The following PDE1C variants were observed in gnomAD, a reference collection of about 807,000 sequenced individuals.
PDE1C encodes phosphodiesterase 1C, also known as dual specificity calcium/calmodulin-dependent 3',5'-cyclic nucleotide phosphodiesterase 1C.
In PDE1C, 62 loss-of-function variants were observed where a neutral mutation model predicts 93.1. The ratio of observed to expected loss-of-function variants is 0.67; its 90% CI spans 0.54 to 0.82. PDE1C has a LOEUF of 0.82. Among genes scored for constraint, PDE1C ranks in the 40% least tolerant of loss-of-function variants. The probability of loss-of-function intolerance (pLI) is 0.00; values close to 1 mark genes in which losing one functional copy is unlikely to be tolerated. For synonymous variants in PDE1C, 325 were observed against 310.1 expected (o/e 1.05, Z -0.50); for missense variants, 742 against 884.6 (o/e 0.84, Z 2.04).
chr7:31,916,368 C>A (rs902381764), intron 2 of PDE1C, among the ~76,000 whole-genome samples: 1 of 152,098 alleles, frequency 6.6e-6, no homozygotes, highest in Non-Finnish European at 1.5e-5. Flanking sequence ...AAAAAGATAT[C>A]TGGAAATATC....
intron 1 of PDE1C, among the ~76,000 whole-genome samples, chr7:32,065,825 C>A (rs547534786): frequency 6.6e-6 from 1 of 152,198 alleles, no homozygotes; most frequent in Admixed American, 6.5e-5. Context: ...CTTCTCTGTA[C>A]ATCAATAGGG....
At chr7:32,062,015 T>C (rs1794868411) in intron 1 of PDE1C, among the ~76,000 whole-genome samples, 1 of 152,114 alleles carries the variant, frequency 6.6e-6, no homozygotes, top group African/African-American at 2.4e-5. Context: ...CTGTTTAATC[T>C]CCAGACTCAC....
chr7:31,899,193 C>T (rs891226567), intron 2 of PDE1C, among the ~76,000 whole-genome samples: 1 of 137,994 alleles, frequency 7.2e-6, no homozygotes, highest in East Asian at 2.2e-4. Context: ...GGCTGCAGTG[C>T]AGTGGCGCAC....
the PDE1C span, among the ~76,000 whole-genome samples, chr7:31,720,402 C>G: frequency 6.6e-6 from 1 of 152,126 alleles, no homozygotes; most frequent in Admixed American, 6.6e-5. Flanking sequence ...CTTCCACTGC[C>G]TACATCGTAA....
At position 31,827,045 on chromosome 7, in the gene PDE1C, C is replaced by A. The variant is rs144745072; in HGVS notation, c.1285+1247G>T. ...AAAACATAAATTTATATATTTTTAA[C>A]CTCACTTAAAATTCTTTAGATATGC... On this transcript the variant is annotated intron_variant, in intron 12 of 17. Coordinates refer to ENST00000396191, the MANE Select transcript of PDE1C (RefSeq NM_001191057.4). 1.2e-3 allele frequency among the ~76,000 whole-genome samples: 189 copies of A among 152,234 alleles called. 1 individual carries two copies. Among genetic ancestry groups the A allele is most frequent in the African/African-American group, 4.2e-3 (175 of 41,542 alleles).
chr7:32,239,182 G>A (rs1270620563), intron 1 of PDE1C, among the ~76,000 whole-genome samples: 3 of 152,298 alleles, frequency 2.0e-5, no homozygotes, highest in Middle Eastern at 6.8e-3. Flanking sequence ...AGTGAGTCAT[G>A]ATTGTGCCAC....
At chr7:32,408,714 A>C (rs537447349) in intron 1 of PDE1C, among the ~76,000 whole-genome samples, 1 of 152,120 alleles carries the variant, frequency 6.6e-6, no homozygotes, top group Non-Finnish European at 1.5e-5. Flanking sequence ...GCTTGAACCC[A>C]GGAGGCGAAG....
At chr7:32,003,976 G>C (rs1474450506) in intron 2 of PDE1C, among the ~76,000 whole-genome samples, 1 of 152,186 alleles carries the variant, frequency 6.6e-6, no homozygotes, top group African/African-American at 2.4e-5. Flanking sequence ...TGAATGATGA[G>C]AAAGGGGCAT....
the PDE1C span, among the ~76,000 whole-genome samples, chr7:31,723,931 C>G: frequency 6.8e-6 from 1 of 146,208 alleles, no homozygotes; most frequent in Admixed American, 6.7e-5. Context: ...TTTCTTACTG[C>G]CTTTGCATCA....
chr7:31,850,335 A>G (rs1192914302), intron 8 of PDE1C, among the ~76,000 whole-genome samples: 1 of 152,134 alleles, frequency 6.6e-6, no homozygotes, highest in Non-Finnish European at 1.5e-5. Flanking sequence ...AAACTGCCCC[A>G]TTTCCTGTTA....
At chr7:31,774,765 C>A (rs1795718991) in intron 17 of PDE1C, among the ~76,000 whole-genome samples, 1 of 152,130 alleles carries the variant, frequency 6.6e-6, no homozygotes, top group African/African-American at 2.4e-5. Flanking sequence ...CAAAACTCTA[C>A]ATAAAGTATT....
At chr7:31,794,089 C>CAGACAGACAGATAGAT (rs1562808129) in intron 16 of PDE1C, among the ~76,000 whole-genome samples, 2 of 136,078 alleles carry the variant, frequency 1.5e-5, no homozygotes, top group African/African-American at 6.0e-5. Flanking sequence ...GACAGACAGA[C>CAGACAGACAGATAGAT]AGATAGATAG....
At chr7:32,240,052 G>C (rs1017913883) in intron 1 of PDE1C, among the ~76,000 whole-genome samples, 2 of 152,198 alleles carry the variant, frequency 1.3e-5, no homozygotes, top group Non-Finnish European at 2.9e-5. Context: ...CCATGAGTTA[G>C]AGGTTTGTTT....
rs1802529218 is a variant in PDE1C at position 31,920,819 on chromosome 7, T to G, written c.129-39959A>C. Among the ~76,000 whole-genome samples, 3 of 152,342 alleles carry G rather than the reference T, an allele frequency of 2.0e-5. No individual in the cohort carries two copies. The South Asian group carries it at 6.2e-4, about 32-fold the overall frequency. ...CAGAAAATGTGGTATGACTATTTTC[T>G]GATTCCAGCTATTCATCCTATTTTC... On this transcript the variant is annotated intron_variant, in intron 2 of 17. Coordinates refer to ENST00000396191, the MANE Select transcript of PDE1C (RefSeq NM_001191057.4).
chr7:32,380,217 C>T (rs1784507303), intron 1 of PDE1C, among the ~76,000 whole-genome samples: 1 of 151,680 alleles, frequency 6.6e-6, no homozygotes, highest in East Asian at 1.9e-4. Flanking sequence ...CCACTTCCAT[C>T]CTCTCTCTCT....
At chr7:31,837,810 T>A in intron 10 of PDE1C, 60 bp downstream of exon 10, 1 of 1,039,888 alleles carries the variant, frequency 9.6e-7, no homozygotes, top group Non-Finnish European at 1.5e-6. Context: ...GATAGCCACA[T>A]AGACGAGGAC....
At chr7:32,239,755 G>A (rs1030474201) in intron 1 of PDE1C, among the ~76,000 whole-genome samples, 1 of 152,208 alleles carries the variant, frequency 6.6e-6, no homozygotes, top group African/African-American at 2.4e-5. Context: ...GACTATATTT[G>A]TAATTGTGAC....
chr7:31,811,997 G>A (rs993603648), intron 15 of PDE1C, among the ~76,000 whole-genome samples: 3 of 152,146 alleles, frequency 2.0e-5, no homozygotes, highest in Non-Finnish European at 4.4e-5. Flanking sequence ...AATCCATTAA[G>A]TAATTTCCCA....
intron 3 of PDE1C, among the ~76,000 whole-genome samples, chr7:32,095,284 G>A (rs1797691919): frequency 6.6e-6 from 1 of 152,210 alleles, no homozygotes; most frequent in African/African-American, 2.4e-5. Context: ...TTTCCGATGA[G>A]GGGCAGACCC....
Sources: allele counts gnomAD v4.1 joint callset (sites outside exome capture counted in the v4.1 genomes callset), GRCh38; gene constraint gnomAD v4.1.1; transcripts MANE v1.5; gene names NCBI Gene and HGNC (gene_info 2026-07-23, HGNC 2026-07-21).